Variants in SCFD2 observed in about 807,000 individuals in gnomAD.
SCFD2 encodes sec1 family domain containing 2.
Under a neutral mutation model 58.9 loss-of-function variants are expected in SCFD2, and 54 were observed. That is an observed-to-expected ratio of 0.92 (90% CI 0.74 to 1.15). The LOEUF (loss-of-function observed/expected upper bound fraction) is 1.15, where lower values mean the gene tolerates loss of function less well. SCFD2 is among the 50% of genes most tolerant of loss of function. The pLI is 0.00. For missense variants in SCFD2, 805 were observed against 836.6 expected, an observed-to-expected ratio of 0.96 and a Z score of 0.47; for synonymous variants, 321 against 335.9, an observed-to-expected ratio of 0.96 and a Z score of 0.49.
intron 4 of SCFD2, among the ~76,000 whole-genome samples, chr4:53,181,201 C>A (rs1184777982): frequency 3.3e-5 from 5 of 151,924 alleles, no homozygotes; most frequent in Admixed American, 2.6e-4. Flanking sequence ...GAGACACAAC[C>A]AAAAAAGAGA....
At chr4:53,012,359 C>T (rs547644325) in intron 5 of SCFD2, among the ~76,000 whole-genome samples, 144 of 133,968 alleles carry the variant, frequency 1.1e-3, no homozygotes, top group Middle Eastern at 7.3e-3. Context: ...CTCTCTTTCT[C>T]TCTCTCTCTC....
chr4:53,263,918 G>A (rs191130084), intron 4 of SCFD2, among the ~76,000 whole-genome samples: 400 of 152,248 alleles, frequency 2.6e-3, no homozygotes, highest in African/African-American at 9.2e-3. Context: ...CACCAGGTGG[G>A]AGCAGGAATA....
intron 4 of SCFD2, among the ~76,000 whole-genome samples, chr4:53,165,134 A>G (rs1726968845): frequency 6.6e-6 from 1 of 152,158 alleles, no homozygotes; most frequent in Non-Finnish European, 1.5e-5. Flanking sequence ...AAGCGTTACC[A>G]TAAAAATTTT....
At chr4:53,136,026 A>G (rs1725926900) in intron 5 of SCFD2, among the ~76,000 whole-genome samples, 1 of 152,238 alleles carries the variant, frequency 6.6e-6, no homozygotes, top group South Asian at 2.1e-4. Flanking sequence ...ATGCAACTTC[A>G]GCACTGTCTT....
intron 7 of SCFD2, among the ~76,000 whole-genome samples, chr4:52,895,314 C>T (rs1030971172): frequency 2.0e-5 from 3 of 152,068 alleles, no homozygotes; most frequent in African/African-American, 7.2e-5. Flanking sequence ...AATGCTATCC[C>T]TCTCCCCTAC....
chr4:53,328,093 C>T (rs889353810), intron 2 of SCFD2, among the ~76,000 whole-genome samples: 10 of 151,878 alleles, frequency 6.6e-5, no homozygotes, highest in African/African-American at 2.4e-4. Flanking sequence ...CGAGATAGTG[C>T]CACTGCAACC....
At chr4:52,918,187 A>G (rs1199295615) in intron 6 of SCFD2, among the ~76,000 whole-genome samples, 1 of 152,208 alleles carries the variant, frequency 6.6e-6, no homozygotes, top group African/African-American at 2.4e-5. Flanking sequence ...AAATTGGTAG[A>G]TGAGATGAAC....
chr4:53,128,655 T>G (rs575621576), intron 5 of SCFD2, among the ~76,000 whole-genome samples: 1 of 152,296 alleles, frequency 6.6e-6, no homozygotes, highest in South Asian at 2.1e-4. Context: ...ATTTACAGAA[T>G]AAATTGGTGC....
intron 3 of SCFD2, among the ~76,000 whole-genome samples, chr4:53,301,370 A>G (rs375514631): frequency 0.012 from 1,845 of 151,394 alleles, 46 homozygotes; most frequent in African/African-American, 0.043. Context: ...TAAATTCCTC[A>G]ACACATACAC....
At chr4:52,964,662 G>A (rs549923886) in intron 5 of SCFD2, among the ~76,000 whole-genome samples, 2 of 151,726 alleles carry the variant, frequency 1.3e-5, no homozygotes, top group South Asian at 4.2e-4. Flanking sequence ...GATTGCCAAA[G>A]TAATATTGAC....
chr4:53,210,883 G>C (rs1049324917), intron 4 of SCFD2, among the ~76,000 whole-genome samples: 9 of 151,844 alleles, frequency 5.9e-5, no homozygotes, highest in African/African-American at 1.9e-4. Context: ...TGGGTCTTAA[G>C]ACCCTCCCAG....
intron 4 of SCFD2, among the ~76,000 whole-genome samples, chr4:53,250,209 G>T: frequency 6.6e-6 from 1 of 151,996 alleles, no homozygotes; most frequent in East Asian, 1.9e-4. Context: ...AAAGAAGGCC[G>T]TTACATAATG....
chr4:52,906,233 G>C (rs1435200032), intron 7 of SCFD2, among the ~76,000 whole-genome samples: 1 of 152,196 alleles, frequency 6.6e-6, no homozygotes, highest in Non-Finnish European at 1.5e-5. Flanking sequence ...CTGGGAGAGG[G>C]CATATTGGCA....
At chr4:52,946,686 A>C (rs1720437238) in intron 5 of SCFD2, among the ~76,000 whole-genome samples, 1 of 152,252 alleles carries the variant, frequency 6.6e-6, no homozygotes, top group Admixed American at 6.5e-5. Flanking sequence ...ATTTCTAGAA[A>C]ATCTTAAGAG....
At chr4:53,186,809 G>C (rs1282292994) in intron 4 of SCFD2, among the ~76,000 whole-genome samples, 1 of 151,992 alleles carries the variant, frequency 6.6e-6, no homozygotes, top group Non-Finnish European at 1.5e-5. Context: ...ACATGGTTTT[G>C]ATTCCCAATT....
chr4:53,330,341 G>A (rs1051368805), intron 2 of SCFD2, among the ~76,000 whole-genome samples: 6 of 151,888 alleles, frequency 4.0e-5, no homozygotes, highest in Non-Finnish European at 7.4e-5. Flanking sequence ...AGGGCAGCCA[G>A]AGAGAAAGGT....
At chr4:53,140,392 A>AATATATAT (rs1553880149) in intron 5 of SCFD2, among the ~76,000 whole-genome samples, 2 of 97,498 alleles carry the variant, frequency 2.1e-5, no homozygotes, top group African/African-American at 4.2e-5. Flanking sequence ...CAAAAATGCT[A>AATATATAT]ATATATATAT....
At chr4:52,908,707 T>A (rs1485699437) in intron 6 of SCFD2, among the ~76,000 whole-genome samples, 1 of 152,198 alleles carries the variant, frequency 6.6e-6, no homozygotes, top group Admixed American at 6.5e-5. Context: ...ATTTTCTTGT[T>A]TTAAATAGCT....
At chr4:52,932,985 C>T (rs549317292) in intron 5 of SCFD2, among the ~76,000 whole-genome samples, 2 of 152,258 alleles carry the variant, frequency 1.3e-5, no homozygotes, top group African/African-American at 2.4e-5. Flanking sequence ...TGCCAGTGGG[C>T]CGTGGTGAGG....
Sources: gnomAD v4.1 joint callset for allele counts (sites outside exome capture counted in the v4.1 genomes callset) on GRCh38, gnomAD v4.1.1 for gene constraint, MANE v1.5 for transcripts, NCBI Gene and HGNC (gene_info 2026-07-23, HGNC 2026-07-21) for gene names.